The following TENM2 variants were observed in gnomAD, a reference collection of about 807,000 sequenced individuals.
TENM2 encodes teneurin transmembrane protein 2.
A neutral mutation model predicts 245.2 loss-of-function variants in TENM2; 52 were observed. The ratio of observed to expected loss-of-function variants is 0.21; its 90% CI spans 0.17 to 0.27. TENM2 has a LOEUF of 0.27. Among genes scored for constraint, TENM2 ranks in the 10% least tolerant of loss-of-function variants. The probability of loss-of-function intolerance (pLI) is 1.00; values close to 1 mark genes in which losing one functional copy is unlikely to be tolerated. For synonymous variants in TENM2, 1,363 were observed against 1,438.9 expected (o/e 0.95, Z 1.19); for missense variants, 3,046 against 3,666.8 (o/e 0.83, Z 4.37).
At chr5:167,822,690 T>TC (rs1291712661) in intron 2 of TENM2, among the ~76,000 whole-genome samples, 2 of 151,342 alleles carry the variant, frequency 1.3e-5, no homozygotes, top group African/African-American at 4.9e-5. Flanking sequence ...GGGTCTTTTT[T>TC]TTCCTCTCTA....
chr5:167,734,316 A>G (rs1479458752), intron 2 of TENM2, among the ~76,000 whole-genome samples: 1 of 152,124 alleles, frequency 6.6e-6, no homozygotes, highest in Non-Finnish European at 1.5e-5. Context: ...GAGGACCCAC[A>G]TCTTATCTCA....
chr5:167,498,987 T>C (rs985276166), intron 2 of TENM2, among the ~76,000 whole-genome samples: 6 of 152,140 alleles, frequency 3.9e-5, no homozygotes, highest in Non-Finnish European at 5.9e-5. Flanking sequence ...TTTAAAAAAA[T>C]TGTAACATAT....
chr5:167,870,359 C>T (rs1772702004), intron 2 of TENM2, among the ~76,000 whole-genome samples: 1 of 151,882 alleles, frequency 6.6e-6, no homozygotes, highest in African/African-American at 2.4e-5. Flanking sequence ...TAATGTGGAA[C>T]ATAGTAAAAT....
chr5:167,405,765 C>CACACAA (rs1300964568), intron 2 of TENM2, among the ~76,000 whole-genome samples: 1 of 114,304 alleles, frequency 8.7e-6, no homozygotes, highest in African/African-American at 3.8e-5. Flanking sequence ...AACACACACA[C>CACACAA]ACAAACACAC....
intron 2 of TENM2, among the ~76,000 whole-genome samples, chr5:167,564,687 C>T (rs1288644443): frequency 1.3e-5 from 2 of 152,166 alleles, no homozygotes; most frequent in Non-Finnish European, 2.9e-5. Context: ...TGTACAGTTT[C>T]ATCTAGCTGG....
intron 2 of TENM2, among the ~76,000 whole-genome samples, chr5:167,437,524 G>T (rs1345467043): frequency 2.0e-5 from 3 of 152,070 alleles, no homozygotes; most frequent in African/African-American, 7.2e-5. Context: ...TAAGATTTTG[G>T]GGGACTGTTG....
At chr5:167,369,213 G>A (rs1760255670) in intron 1 of TENM2, among the ~76,000 whole-genome samples, 1 of 152,084 alleles carries the variant, frequency 6.6e-6, no homozygotes, top group Non-Finnish European at 1.5e-5. Flanking sequence ...AGTCTACCTT[G>A]TCCTGTCCCA....
At chr5:167,032,746 GT>G in the TENM2 span, among the ~76,000 whole-genome samples, 1 of 152,120 alleles carries the variant, frequency 6.6e-6, no homozygotes, top group Non-Finnish European at 1.5e-5. Context: ...CATTGAAAAT[GT>G]GGTTACTATA....
intron 2 of TENM2, among the ~76,000 whole-genome samples, chr5:167,419,356 GGAGGCTGAGGCAGGAGAATGGCT>G (rs1763355984): frequency 2.6e-5 from 4 of 152,292 alleles, no homozygotes; most frequent in Admixed American, 2.0e-4. Context: ...CTGCTACTTG[GGAGGCTGAGGCAGGAGAATGGCT>G]GAGCCTGGGA....
At chr5:167,615,373 G>A (rs1446604364) in intron 2 of TENM2, among the ~76,000 whole-genome samples, 1 of 151,970 alleles carries the variant, frequency 6.6e-6, no homozygotes, top group East Asian at 1.9e-4. Flanking sequence ...TTCTGTTGTT[G>A]GTTGGTTGTT....
intron 2 of TENM2, among the ~76,000 whole-genome samples, chr5:167,414,954 T>A (rs929752521): frequency 3.3e-5 from 5 of 152,274 alleles, no homozygotes; most frequent in Admixed American, 1.3e-4. Flanking sequence ...AATATTTTAC[T>A]AAATGAGCTG....
At chr5:167,533,714 C>T (rs1405570654) in intron 2 of TENM2, among the ~76,000 whole-genome samples, 1 of 152,090 alleles carries the variant, frequency 6.6e-6, no homozygotes, top group East Asian at 1.9e-4. Context: ...ACCACTTCAG[C>T]CTCCCAAAGT....
the TENM2 span, among the ~76,000 whole-genome samples, chr5:167,007,763 G>A: frequency 2.5e-4 from 38 of 152,146 alleles, no homozygotes. The surrounding 1 kb of genome is among the most constrained non-coding windows in gnomAD (Gnocchi z 4.2). Flanking sequence ...ATTTTAAATA[G>A]TGCATAATAA....
At chr5:167,574,184 G>A (rs930925070) in intron 2 of TENM2, among the ~76,000 whole-genome samples, 1 of 152,196 alleles carries the variant, frequency 6.6e-6, no homozygotes, top group Non-Finnish European at 1.5e-5. Flanking sequence ...ATGAATTAGA[G>A]CATGCAGCAA....
At chr5:167,556,175 T>C (rs1773249048) in intron 2 of TENM2, among the ~76,000 whole-genome samples, 1 of 152,188 alleles carries the variant, frequency 6.6e-6, no homozygotes, top group South Asian at 2.1e-4. Context: ...TAGATTTTAA[T>C]GGAATATTTG....
At chr5:167,941,684 C>CAAA (rs981805963) in intron 3 of TENM2, among the ~76,000 whole-genome samples, 5 of 110,032 alleles carry the variant, frequency 4.5e-5, no homozygotes, top group African/African-American at 6.4e-5. Flanking sequence ...CCATCTCTAC[C>CAAA]AAAAAAAAAA....
chr5:167,922,012 A>G (rs1777408912), intron 3 of TENM2, among the ~76,000 whole-genome samples: 1 of 152,242 alleles, frequency 6.6e-6, no homozygotes, highest in South Asian at 2.1e-4. Context: ...CAGAAACTCT[A>G]GTGGACAGGG....
chr5:167,486,326 CTT>C (rs546349438), intron 2 of TENM2, among the ~76,000 whole-genome samples: 4 of 140,570 alleles, frequency 2.8e-5, no homozygotes, highest in African/African-American at 5.2e-5. Context: ...TTTTTCTTTT[CTT>C]TTTTTTTTTT....
intron 4 of TENM2, among the ~76,000 whole-genome samples, chr5:167,966,390 C>A (rs901414789): frequency 6.6e-6 from 1 of 152,176 alleles, no homozygotes; most frequent in Non-Finnish European, 1.5e-5. Context: ...CCTTGAATAT[C>A]ATCCTTGTTC....
Sources: allele counts gnomAD v4.1 joint callset (sites outside exome capture counted in the v4.1 genomes callset), GRCh38; gene constraint gnomAD v4.1.1; non-coding constraint Gnocchi (gnomAD v3.1); transcripts MANE v1.5; gene names NCBI Gene and HGNC (gene_info 2026-07-23, HGNC 2026-07-21).